Variants in NOTCH4 observed in about 807,000 individuals in gnomAD.
NOTCH4 encodes notch receptor 4, also known as neurogenic locus notch homolog protein 4.
In NOTCH4, 138 loss-of-function variants were observed where a neutral mutation model predicts 189.0. The observed-to-expected ratio is 0.73, with a 90% CI of 0.64 to 0.84. The LOEUF is 0.84. NOTCH4 is among the 40% of genes least tolerant of loss of function. NOTCH4 has a pLI of 0.00. For synonymous variants in NOTCH4, 942 were observed against 1,032.8 expected (o/e 0.91, Z 1.69); for missense variants, 2,286 against 2,605.4 (o/e 0.88, Z 2.67).
rs758276626 is a variant in NOTCH4 at position 32,216,949 on chromosome 6, G to A, written c.1857C>T (p.Phe619=). ...TCCAGTGCCTCCCCTGTGAACCTGTGAAACCAGAGGGGCAGAGGCAAAAGA... is the reference window on the plus strand; with the variant it reads ...TCCAGTGCCTCCCCTGTGAACCTGTAAAACCAGAGGGGCAGAGGCAAAAGA... ...GAFFCLCPSG[F]TGQLCEVPLC... The change falls in exon 11 of 30, where the codon TTC becomes TTT. Residue 619 remains phenylalanine (F), a synonymous_variant. Transcript: ENST00000375023. 1 of 1,613,124 alleles carries A rather than the reference G, an allele frequency of 6.2e-7. No homozygotes were observed.
Position 32,195,993 on chromosome 6 carries a change from A to G in NOTCH4, c.5456T>C (p.Leu1819Pro). Residue 1819 changes from leucine to proline, a missense_variant, in exon 30 of 30, where the codon CTG (leucine) becomes CCG (proline). Physicochemically the swap from Leu to Pro is moderately conservative, Grantham distance 98. This residue lies in a region of NOTCH4 where 383 missense variants were observed against 343.5 expected (regional missense o/e 1.11). Transcript: ENST00000375023. This position sits in a 1 kb window ranked among gnomAD's most constrained non-coding sequence, Gnocchi z 5.4. Reference sequence around the variant, plus strand: ...GGCCTCTGGTGGCCCAGCCCCTTCCAGCAGCGTCAGCAGATCCCAGTGGTT... The same window carrying G: ...GGCCTCTGGTGGCCCAGCCCCTTCCGGCAGCGTCAGCAGATCCCAGTGGTT... ...QRNHWDLLTL[L>P]EGAGPPEARH... The G allele has an allele frequency of 1.3e-6, 2 of 1,599,102 alleles. No individual in the cohort carries two copies. The highest frequency in any genetic ancestry group is 1.1e-5 in the South Asian group (1 of 90,756).
chr6:32,222,721 G>T lies in NOTCH4; in HGVS notation c.241C>A (p.Gln81Lys), dbSNP rs2127491110. ...CCTAGGGGAGCGGGAAGCAGGGCTT[G>T]GCAGCTGCCTCCATTTTGGCAGAGC... ...AQLCQNGGSC[Q>K]ALLPAPLGLP... The change falls in exon 3 of 30, where the codon CAA becomes AAA. Residue 81 changes from glutamine to lysine, a missense_variant. Coordinates refer to ENST00000375023, the MANE Select transcript of NOTCH4 (RefSeq NM_004557.4). 2 of 1,610,552 alleles carry T rather than the reference G, an allele frequency of 1.2e-6. No individual in the cohort carries two copies. Among genetic ancestry groups the T allele is most frequent in the African/African-American group, 1.3e-5 (1 of 74,724 alleles).
chr6:32,197,057 T>A lies in NOTCH4; in HGVS notation c.5068A>T (p.Arg1690Ter). ...GTGCGAGCGTCCACTGCAGTTTGTC[T>A]GCTACGGAGCAGAAGCTGGGGAGAC... is the stretch of plus-strand genomic sequence containing the variant. ...REVCQLLLRS[R>*]QTAVDARTED... Residue 1690 changes from arginine (R) to a stop codon, truncating the protein, a stop_gained, in exon 28 of 30, where the codon AGA becomes TGA. Transcript: ENST00000375023. LOFTEE classifies it high-confidence loss of function. The A allele has an allele frequency of 6.2e-7, 1 of 1,612,676 alleles. No homozygotes were observed. Among genetic ancestry groups the A allele is most frequent in the Non-Finnish European group, 8.5e-7 (1 of 1,180,012 alleles).
Position 32,213,240 on chromosome 6 carries a change from T to G in NOTCH4, c.2333A>C (p.Asn778Thr), listed in dbSNP as rs377703621. Residue 778 changes from asparagine to threonine, a missense_variant, in exon 15 of 30, where the codon AAT becomes ACT. This residue lies in a region of NOTCH4 where 1,903 missense variants were observed against 2,261.9 expected (regional missense o/e 0.84). Coordinates refer to ENST00000375023, the MANE Select transcript of NOTCH4 (RefSeq NM_004557.4). ...AGGCCTGTTCACACAGGTACCCCCATTGAAGCACGGGGCTGGAGAGAGGAG... is the reference window on the plus strand; with the variant it reads ...AGGCCTGTTCACACAGGTACCCCCAGTGAAGCACGGGGCTGGAGAGAGGAG... Reference protein sequence around the residue: ...TDYCVSAPCFNGGTCVNRPGT... With the variant: ...TDYCVSAPCFTGGTCVNRPGT... The G allele has an allele frequency of 6.2e-7, 1 of 1,613,400 alleles. No homozygotes were observed. The highest frequency in any genetic ancestry group is 8.5e-7 in the Non-Finnish European group (1 of 1,179,476).
rs1230674730 is a variant in NOTCH4 at position 32,214,144 on chromosome 6, A to G, written c.2133T>C (p.Ser711=). The G allele has an allele frequency of 6.2e-7, 1 of 1,613,440 alleles. No individual in the cohort carries two copies. The highest frequency in any genetic ancestry group is 2.2e-5 in the East Asian group (1 of 44,842). Residue 711 remains serine (S), a synonymous_variant, in exon 13 of 30, where the codon TCT becomes TCC. Coordinates refer to ENST00000375023, the MANE Select transcript of NOTCH4 (RefSeq NM_004557.4). ...CTGTAGGGCAGGTGCAGTTGTAGCC[A>G]GAGGGCTGGGGGTAGCAGGTCCCCC... ...AHGGTCYPQP[S]GYNCTCPTGY... is the part of the protein sequence containing the mutation.
intron 12 of NOTCH4, among the ~76,000 whole-genome samples, chr6:32,214,556 A>T (rs1789262054): frequency 6.6e-6 from 1 of 151,518 alleles, no homozygotes. Context: ...CTACGAGAGC[A>T]GTTGCTTTAT....
rs2127463210 is a variant in NOTCH4 at position 32,198,990 on chromosome 6, G to A, written c.4471C>T (p.Pro1491Ser). ...CGGTGGGGAGCTGACTGAGTCCGAG[G>A]CCGTCGAGTGAAACCAGGGGGCAGC... ...LWLPPGFTRRPRTQSAPHRRR... is the reference protein window; with the variant it reads ...LWLPPGFTRRSRTQSAPHRRR... The change falls in exon 24 of 30, where the codon CCT (proline) becomes TCT (serine). Residue 1491 changes from proline (P) to serine (S), a missense_variant. Physicochemically the swap from Pro to Ser is moderately conservative, Grantham distance 74. Transcript: ENST00000375023. This position sits in a 1 kb window ranked among gnomAD's most constrained non-coding sequence, Gnocchi z 5.5. 6.2e-7 allele frequency: 1 copy of A among 1,611,394 alleles called. No homozygotes were observed. Among genetic ancestry groups the A allele is most frequent in the East Asian group, 2.2e-5 (1 of 44,872 alleles).
At position 32,220,484 on chromosome 6, in the gene NOTCH4, A is replaced by G. The variant is rs2127487298; in HGVS notation, c.1080T>C (p.Ile360=). ...TGGATCCCGGGGCACAGGTGGCAGC[A>G]ATACAGTCATCCAGGTTCTCCTCAC... ...TSCEENLDDC[I]AATCAPGSTC... is the part of the protein sequence containing the mutation. Residue 360 remains isoleucine, a synonymous_variant, in exon 6 of 30, where the codon ATT becomes ATC. Coordinates refer to ENST00000375023, the MANE Select transcript of NOTCH4 (RefSeq NM_004557.4). 6.2e-7 allele frequency: 1 copy of G among 1,613,712 alleles called. No homozygotes were observed. Among genetic ancestry groups the G allele is most frequent in the Non-Finnish European group, 8.5e-7 (1 of 1,180,022 alleles).
In NOTCH4 at chr6:32,198,824, CT is replaced by C; in HGVS notation, c.4536-95del. On this transcript the variant is annotated intron_variant, in intron 24 of 29. Coordinates refer to ENST00000375023, the MANE Select transcript of NOTCH4 (RefSeq NM_004557.4). The surrounding 1 kb of genome is among the most constrained non-coding windows in gnomAD (Gnocchi z 5.5). ...GGCTTCCCACCCCTCTCTCCTTCCC[CT>C]ATCTTTGACTTCTGCAATAGTATTT... 2 of 1,472,948 alleles carry C rather than the reference CT, an allele frequency of 1.4e-6. No individual in the cohort carries two copies. The highest frequency in any genetic ancestry group is 1.8e-6 in the Non-Finnish European group (2 of 1,088,348). 91.2% of individuals were successfully genotyped at this position (1,472,948 alleles called of 1,614,324 possible).
In NOTCH4 at chr6:32,212,328, G is replaced by T. The variant is rs1382820104; in HGVS notation, c.2680+146C>A. 1.4e-6 allele frequency: 1 copy of T among 723,178 alleles called. No homozygotes were observed. Among genetic ancestry groups the T allele is most frequent in the African/African-American group, 1.8e-5 (1 of 56,752 alleles). 44.8% of individuals were successfully genotyped at this position (723,178 alleles called of 1,614,324 possible). On this transcript the variant is annotated intron_variant, in intron 17 of 29. Coordinates refer to ENST00000375023, the MANE Select transcript of NOTCH4 (RefSeq NM_004557.4). The surrounding 1 kb of genome is among the most constrained non-coding windows in gnomAD (Gnocchi z 4.4). ...TCTGATTGCACAATTCAACACCTCTGCAATCAAGAACTGATTTGTCTGTGT... is the reference window on the plus strand; with the variant it reads ...TCTGATTGCACAATTCAACACCTCTTCAATCAAGAACTGATTTGTCTGTGT...
rs1306713027 is a variant in NOTCH4, at chr6:32,202,215, C to T, written c.3616G>A (p.Gly1206Arg). ...CAGCCCTTCCAGGGGTCTGGGACTC[C>T]CAGAGAGCAGTCCCCTCCATCCCAG... Reference protein sequence around the residue: ...GNWDGGDCSLGVPDPWKGCPS... With the variant: ...GNWDGGDCSLRVPDPWKGCPS... The change falls in exon 21 of 30, where the codon GGA becomes AGA. Residue 1206 changes from glycine (G) to arginine (R), a missense_variant. Transcript: ENST00000375023. This position sits in a 1 kb window ranked among gnomAD's most constrained non-coding sequence, Gnocchi z 5.7. The T allele has an allele frequency of 6.5e-7, 1 of 1,545,994 alleles. No individual in the cohort carries two copies. Among genetic ancestry groups the T allele is most frequent in the South Asian group, 1.2e-5 (1 of 82,852 alleles).
chr6:32,212,802 G>A lies in NOTCH4; in HGVS notation c.2526+22C>T, dbSNP rs758152639. The A allele has an allele frequency of 4.0e-6, 6 of 1,507,322 alleles. No homozygotes were observed. The highest frequency in any genetic ancestry group is 1.3e-5 in the South Asian group (1 of 77,046). The allele number at this position is 1,507,322 out of a possible 1,614,324, so 93.4% of individuals were successfully genotyped here. A position where few individuals can be genotyped will look rare whatever the true frequency, so the allele number is the denominator to read the frequency against. On this transcript the variant is annotated intron_variant, in intron 16 of 29. Transcript: ENST00000375023. The surrounding 1 kb of genome is among the most constrained non-coding windows in gnomAD (Gnocchi z 4.4). ...TCCCAGCCACTTCCCTCCTCAGCAC[G>A]CCTGACTTCAATGGCCCTCACCTGG...
chr6:32,199,969 C>T lies in NOTCH4; in HGVS notation c.4316-824G>A, dbSNP rs1358676713. On this transcript the variant is annotated intron_variant, in intron 23 of 29. Coordinates refer to ENST00000375023, the MANE Select transcript of NOTCH4 (RefSeq NM_004557.4). This position sits in a 1 kb window ranked among gnomAD's most constrained non-coding sequence, Gnocchi z 4.9. ...AAGTCTGAAACTTTTAGAGTACCAA[C>T]ATAACGCTCAAAGGAAATGCTCATT... 1.3e-5 allele frequency among the ~76,000 whole-genome samples: 2 copies of T among 152,174 alleles called. No individual in the cohort carries two copies. The highest frequency in any genetic ancestry group is 2.9e-5 in the Non-Finnish European group (2 of 68,028).
rs1227704014 is a variant in NOTCH4 at position 32,219,672 on chromosome 6, T to C, written c.1430A>G (p.Asn477Ser). The stretch of plus-strand genomic sequence containing the variant: ...GTGGCAGGGCTGGGAGAGGCACTCA[T>C]TGTGATCAGCCTCACAACGGGAGCC... ...YTGSRCEADH[N>S]ECLSQPCHPG... is the part of the protein sequence containing the mutation. Residue 477 changes from asparagine to serine, a missense_variant, in exon 8 of 30, where the codon AAT becomes AGT. This residue lies in a region of NOTCH4 where 1,903 missense variants were observed against 2,261.9 expected (regional missense o/e 0.84). Coordinates refer to ENST00000375023, the MANE Select transcript of NOTCH4 (RefSeq NM_004557.4). The C allele has an allele frequency of 3.7e-6, 6 of 1,613,018 alleles. No homozygotes were observed. Among genetic ancestry groups the C allele is most frequent in the Admixed American group, 1.7e-5 (1 of 60,000 alleles).
At chr6:32,218,480 C>T (rs1789556579) in intron 8 of NOTCH4, among the ~76,000 whole-genome samples, 1 of 152,128 alleles carries the variant, frequency 6.6e-6, no homozygotes, top group African/African-American at 2.4e-5. Context: ...TTCTTGTTCT[C>T]CCTGGGTGGG....
rs1789786872 is a variant in NOTCH4 at position 32,221,639 on chromosome 6, C to T, written c.452-314G>A. Among the ~76,000 whole-genome samples the T allele has an allele frequency of 6.6e-6, 1 of 152,146 alleles. No individual in the cohort carries two copies. Among genetic ancestry groups the T allele is most frequent in the Admixed American group, 6.5e-5 (1 of 15,282 alleles). On this transcript the variant is annotated intron_variant, in intron 3 of 29. Coordinates refer to ENST00000375023, the MANE Select transcript of NOTCH4 (RefSeq NM_004557.4). This position sits in a 1 kb window ranked among gnomAD's most constrained non-coding sequence, Gnocchi z 4.3. ...ACCCCACGTCTGCAGGCAGGAGACTCAGGTGGCACCATGCTGTGCCACAAC... is the reference window on the plus strand; with the variant it reads ...ACCCCACGTCTGCAGGCAGGAGACTTAGGTGGCACCATGCTGTGCCACAAC...
chr6:32,220,928 C>A, intron 4 of NOTCH4, 50 bp from the exon 5 acceptor site: 1 of 1,598,734 alleles, frequency 6.3e-7, no homozygotes, highest in Non-Finnish European at 8.5e-7. Flanking sequence ...CGGAGACATC[C>A]TGCCCTGCCC....
chr6:32,220,770 G>T lies in NOTCH4; in HGVS notation c.908C>A (p.Pro303Gln). The T allele has an allele frequency of 3.7e-6, 6 of 1,614,134 alleles. No individual in the cohort carries two copies. Among genetic ancestry groups the T allele is most frequent in the South Asian group, 2.2e-5 (2 of 91,082 alleles). Residue 303 changes from proline (P) to glutamine (Q), a missense_variant, in exon 5 of 30, where the codon CCA becomes CAA. Pro to Gln is a moderately conservative substitution (Grantham distance 76). Coordinates refer to ENST00000375023, the MANE Select transcript of NOTCH4 (RefSeq NM_004557.4). ...DGLDTYTCLCPETWTGWDCSE... is the reference protein window; with the variant it reads ...DGLDTYTCLCQETWTGWDCSE... ...AAACAACTCACCTGTCCAGGTTTCTGGGCAGAGGCAGGTGTAGGTGTCCAG... is the reference window on the plus strand; with the variant it reads ...AAACAACTCACCTGTCCAGGTTTCTTGGCAGAGGCAGGTGTAGGTGTCCAG...
In NOTCH4 at chr6:32,196,383, C is replaced by A. The variant is rs1470888280; in HGVS notation, c.5239G>T (p.Ala1747Ser). ...TGGAGAAGCGAGCGGGCGGCTCGGGCGTTGTTCACGGCAGCAGCCCAGTGC... is the reference window on the plus strand; with the variant it reads ...TGGAGAAGCGAGCGGGCGGCTCGGGAGTTGTTCACGGCAGCAGCCCAGTGC... ...ALHWAAAVNN[A>S]RAARSLLQAG... The change falls in exon 29 of 30, where the codon GCC becomes TCC. Residue 1747 changes from alanine to serine, a missense_variant. Physicochemically the swap from Ala to Ser is moderately conservative, Grantham distance 99. Transcript: ENST00000375023. 3 of 1,613,016 alleles carry A rather than the reference C, an allele frequency of 1.9e-6. No homozygotes were observed. Among genetic ancestry groups the A allele is most frequent in the African/African-American group, 1.3e-5 (1 of 74,946 alleles).
Sources: gnomAD v4.1 joint callset for allele counts (sites outside exome capture counted in the v4.1 genomes callset) on GRCh38, gnomAD v4.1.1 for gene constraint, gnomAD v4.1.1 regional missense constraint, Gnocchi (gnomAD v3.1) non-coding constraint, MANE v1.5 for transcripts, NCBI Gene and HGNC (gene_info 2026-07-23, HGNC 2026-07-21) for gene names.